RIC8B: variants seen among roughly 807,000 people sequenced by gnomAD.
RIC8B encodes the protein chaperone Ric-8B.
RIC8B carries 16 observed loss-of-function variants against 57.5 expected under a neutral mutation model. The observed-to-expected ratio is 0.28, with a 90% CI of 0.19 to 0.42. RIC8B has a LOEUF of 0.42. RIC8B is among the 10% of genes least tolerant of loss of function. RIC8B has a pLI of 1.00. For synonymous variants in RIC8B, 216 were observed against 250.8 expected (o/e 0.86, Z 1.31); for missense variants, 481 against 677.0 (o/e 0.71, Z 3.21).
intron 4 of RIC8B, among the ~76,000 whole-genome samples, chr12:106,835,100 T>TA (rs1260254801): frequency 6.6e-6 from 1 of 152,062 alleles, no homozygotes; most frequent in African/African-American, 2.4e-5. Context: ...GGTTTGTACT[T>TA]ACCGTTTCCA....
chr12:106,821,282 A>G (rs1193084048), intron 3 of RIC8B, among the ~76,000 whole-genome samples: 1 of 152,240 alleles, frequency 6.6e-6, no homozygotes, highest in African/African-American at 2.4e-5. Context: ...GATAGCACTC[A>G]TCTAACGGAT....
chr12:106,849,567 T>C (rs963156345), intron 6 of RIC8B, among the ~76,000 whole-genome samples: 1 of 151,842 alleles, frequency 6.6e-6, no homozygotes, highest in African/African-American at 2.4e-5. Context: ...CCACCAAGAC[T>C]TAACTGAATC....
chr12:106,825,800 C>G lies in RIC8B; in HGVS notation c.816C>G (p.Asp272Glu). 6.2e-7 allele frequency: 1 copy of G among 1,612,370 alleles called. No individual in the cohort carries two copies. The highest frequency in any genetic ancestry group is 8.5e-7 in the Non-Finnish European group (1 of 1,178,446). ...HCLLIVGPTE[D>E]KTEELHSNAV... The stretch of plus-strand genomic sequence containing the variant: ...TACTAATCGTAGGTCCAACTGAAGA[C>G]AAAACAGAAGAGCTACACAGGTGGG... The change falls in exon 4 of 10, where the codon GAC (aspartate) becomes GAG (glutamate). Residue 272 changes from aspartate to glutamate, a missense_variant. By Grantham distance (45) the Asp-to-Glu change is conservative (BLOSUM62 2). Around this residue, in one of 3 missense-constraint regions of RIC8B, gnomAD observed 421 missense variants for 560.9 expected, o/e 0.75. Transcript: ENST00000392837.
At position 106,867,087 on chromosome 12, in the gene RIC8B, T is replaced by C. The variant is rs1950173550; in HGVS notation, c.1452-3736T>C. 6.6e-6 allele frequency among the ~76,000 whole-genome samples: 1 copy of C among 152,206 alleles called. No homozygotes were observed. The highest frequency in any genetic ancestry group is 1.5e-5 in the Non-Finnish European group (1 of 68,042). ...TTAATTTTCATATAGCCGAATTAAG[T>C]TTTAATGGATCTTTTTTGTTAAATG... On this transcript the variant is annotated intron_variant, in intron 8 of 9. Coordinates refer to ENST00000392837, the MANE Select transcript of RIC8B (RefSeq NM_001330145.2). This position sits in a 1 kb window ranked among gnomAD's most constrained non-coding sequence, Gnocchi z 4.3.
Position 106,879,669 on chromosome 12 carries a change from T to C in RIC8B, c.1572-6235T>C. The stretch of plus-strand genomic sequence containing the variant: ...AGGCTGGGGCAAAATAGGGTTTCCT[T>C]TCTTGGACGTGCTTTATCTGTGTCC... On this transcript the variant is annotated intron_variant, in intron 9 of 9. Coordinates refer to ENST00000392837, the MANE Select transcript of RIC8B (RefSeq NM_001330145.2). This position sits in a 1 kb window ranked among gnomAD's most constrained non-coding sequence, Gnocchi z 4.9. 2.0e-6 allele frequency: 2 copies of C among 985,434 alleles called. No homozygotes were observed. The highest frequency in any genetic ancestry group is 2.4e-6 in the Non-Finnish European group (2 of 829,928). The allele number at this position is 985,434 out of a possible 1,614,324, so 61.0% of individuals were successfully genotyped here.
chr12:106,785,538 T>C (rs536537213), intron 2 of RIC8B, among the ~76,000 whole-genome samples: 1 of 152,248 alleles, frequency 6.6e-6, no homozygotes, highest in East Asian at 1.9e-4. Flanking sequence ...CAGCACATAA[T>C]AGGCACTCAA....
chr12:106,846,935 G>A (rs1267820555), intron 6 of RIC8B, among the ~76,000 whole-genome samples: 1 of 152,172 alleles, frequency 6.6e-6, no homozygotes, highest in African/African-American at 2.4e-5. Flanking sequence ...AGGATGCACT[G>A]TAGACTGTTA....
At chr12:106,870,985 G>C in intron 9 of RIC8B, 43 bp downstream of exon 9, 1 of 1,531,318 alleles carries the variant, frequency 6.5e-7, no homozygotes, top group Non-Finnish European at 8.8e-7. Context: ...TCTAAAAATG[G>C]TCTATTTCTT....
chr12:106,861,513 T>C (rs913539431), intron 8 of RIC8B, among the ~76,000 whole-genome samples: 3 of 151,996 alleles, frequency 2.0e-5, no homozygotes, highest in Non-Finnish European at 4.4e-5. Context: ...TAGGATCTTA[T>C]AGAGTGTGTC....
chr12:106,871,089 T>C, intron 9 of RIC8B, 147 bp downstream of exon 9: 1 of 624,182 alleles, frequency 1.6e-6, no homozygotes, highest in Non-Finnish European at 2.5e-6. Context: ...TTCAGATAGC[T>C]CTTGGCTACC....
intron 4 of RIC8B, among the ~76,000 whole-genome samples, chr12:106,829,705 A>G (rs2046271755): frequency 1.3e-5 from 2 of 152,280 alleles, no homozygotes; most frequent in South Asian, 4.1e-4. Context: ...ATAATGTGCA[A>G]CCATCACCAC....
chr12:106,828,400 A>G (rs1218272911), intron 4 of RIC8B, among the ~76,000 whole-genome samples: 3 of 152,096 alleles, frequency 2.0e-5, no homozygotes, highest in Non-Finnish European at 4.4e-5. Context: ...CCTGAAAACA[A>G]TTTTTCTCTG....
In RIC8B at chr12:106,815,034, C is replaced by T. The variant is rs750562710; in HGVS notation, c.471C>T (p.Ile157=). Residue 157 remains isoleucine (I), a synonymous_variant, in exon 3 of 10, where the codon ATC becomes ATT. Coordinates refer to ENST00000392837, the MANE Select transcript of RIC8B (RefSeq NM_001330145.2). The stretch of plus-strand genomic sequence containing the variant: ...GAAAGTGCAAGGACCGGAAATTTAT[C>T]AATGACATTAAGTGCTTTGACTTGC... ...LLRKCKDRKF[I]NDIKCFDLRL... is the part of the protein sequence containing the mutation. 6.2e-7 allele frequency: 1 copy of T among 1,614,106 alleles called. No homozygotes were observed. The highest frequency in any genetic ancestry group is 1.3e-5 in the African/African-American group (1 of 74,944).
intron 3 of RIC8B, chr12:106,823,393 G>A (rs1331465197): frequency 2.2e-6 from 1 of 454,746 alleles, no homozygotes; most frequent in Non-Finnish European, 4.4e-6. Context: ...AGTAAAAGAG[G>A]ACATTGTAGA....
chr12:106,873,285 C>T (rs530204962), intron 9 of RIC8B: 4 of 590,380 alleles, frequency 6.8e-6, no homozygotes, highest in African/African-American at 6.1e-5. Context: ...GAGAATAGTT[C>T]AAATCATACA....
intron 2 of RIC8B, among the ~76,000 whole-genome samples, chr12:106,808,344 A>G (rs1243229598): frequency 3.3e-5 from 5 of 152,162 alleles, no homozygotes; most frequent in East Asian, 3.8e-4. Flanking sequence ...TTCTGAGGAC[A>G]CTGAGGGACA....
At chr12:106,802,738 G>A (rs1259695155) in intron 2 of RIC8B, among the ~76,000 whole-genome samples, 1 of 151,944 alleles carries the variant, frequency 6.6e-6, no homozygotes, top group Non-Finnish European at 1.5e-5. Flanking sequence ...GTAGGACTGA[G>A]TCAAATAAGA....
chr12:106,837,634 C>CTTTTTTTTTTTTTTTT (rs1298629651), intron 4 of RIC8B, among the ~76,000 whole-genome samples: 1 of 122,162 alleles, frequency 8.2e-6, no homozygotes. Context: ...ATCTGAAAAT[C>CTTTTTTTTTTTTTTTT]TTTTGTTTTT....
intron 1 of RIC8B, among the ~76,000 whole-genome samples, chr12:106,779,512 A>G: frequency 6.6e-6 from 1 of 152,020 alleles, no homozygotes; most frequent in Non-Finnish European, 1.5e-5. Flanking sequence ...GATTACAGGC[A>G]TGAGCCACTA....
Sources: gnomAD v4.1 joint callset for allele counts (sites outside exome capture counted in the v4.1 genomes callset) on GRCh38, gnomAD v4.1.1 for gene constraint, gnomAD v4.1.1 regional missense constraint, Gnocchi (gnomAD v3.1) non-coding constraint, MANE v1.5 for transcripts, NCBI Gene and HGNC (gene_info 2026-07-23, HGNC 2026-07-21) for gene names.